The following ANK2 variants were observed in gnomAD, a reference collection of about 807,000 sequenced individuals.
ANK2 encodes ankyrin 2.
A neutral mutation model predicts 360.5 loss-of-function variants in ANK2; 83 were observed. That is an observed-to-expected ratio of 0.23 (90% CI 0.19 to 0.28). ANK2 has a LOEUF of 0.28. Among genes scored for constraint, ANK2 ranks in the 10% least tolerant of loss-of-function variants. The probability of loss-of-function intolerance (pLI) is 1.00; values close to 1 mark genes in which losing one functional copy is unlikely to be tolerated. For missense variants in ANK2, 4,201 were observed against 4,795.7 expected, an observed-to-expected ratio of 0.88 and a Z score of 3.66; for synonymous variants, 1,740 against 1,759.5, an observed-to-expected ratio of 0.99 and a Z score of 0.28.
chr4:112,936,788 T>G (rs6851031), intron 2 of ANK2, among the ~76,000 whole-genome samples: 65,057 of 151,600 alleles, frequency 0.43, 17,786 homozygotes, highest in African/African-American at 0.76. Flanking sequence ...ATAATTTTTT[T>G]TTTGTTTGTT....
At position 113,100,681 on chromosome 4, in the gene ANK2, G is replaced by A. The variant is rs908470088; in HGVS notation, c.84+50869G>A. Reference sequence around the variant, plus strand: ...TGCACACAGAAATCTGCGCTTGAATGTTTACAGCAGCTTTATTCATAATTG... The same window carrying A: ...TGCACACAGAAATCTGCGCTTGAATATTTACAGCAGCTTTATTCATAATTG... On this transcript the variant is annotated intron_variant, in intron 1 of 45. Coordinates refer to ENST00000357077, the MANE Select transcript of ANK2 (RefSeq NM_001148.6). Among the ~76,000 whole-genome samples, 4 of 152,068 alleles carry A rather than the reference G, an allele frequency of 2.6e-5. No individual in the cohort carries two copies. The South Asian group carries it at 8.3e-4, about 31-fold the overall frequency.
At chr4:112,994,678 AG>A (rs1289051036) in intron 2 of ANK2, among the ~76,000 whole-genome samples, 3 of 152,032 alleles carry the variant, frequency 2.0e-5, no homozygotes, top group Non-Finnish European at 4.4e-5. Context: ...CGTGATGCTG[AG>A]GTTTGGGGCA....
chr4:113,186,103 C>G (rs2098516325), intron 2 of ANK2, among the ~76,000 whole-genome samples: 1 of 152,208 alleles, frequency 6.6e-6, no homozygotes, highest in Non-Finnish European at 1.5e-5. Flanking sequence ...TGCCTCTTGA[C>G]TGGGAGACAC....
the ANK2 span, among the ~76,000 whole-genome samples, chr4:112,744,020 T>C: frequency 6.6e-6 from 1 of 151,624 alleles, no homozygotes; most frequent in African/African-American, 2.4e-5. Flanking sequence ...GTTTTTTTAG[T>C]AGAGATGGGG....
At chr4:113,286,972 C>T (rs1464583965) in intron 18 of ANK2, among the ~76,000 whole-genome samples, 1 of 152,138 alleles carries the variant, frequency 6.6e-6, no homozygotes, top group Admixed American at 6.5e-5. Context: ...TAATTCATAA[C>T]TGTACCTTAA....
chr4:113,106,515 C>T (rs917950050), intron 1 of ANK2, among the ~76,000 whole-genome samples: 1 of 152,122 alleles, frequency 6.6e-6, no homozygotes. Flanking sequence ...AAAATACACT[C>T]CCACATTTAA....
intron 1 of ANK2, among the ~76,000 whole-genome samples, chr4:113,056,613 G>A (rs2070015983): frequency 6.6e-6 from 1 of 152,122 alleles, no homozygotes; most frequent in Admixed American, 6.6e-5. Context: ...AGATAGAGCA[G>A]AGATGGGATT....
At chr4:113,006,350 C>T (rs1223428960) in intron 2 of ANK2, among the ~76,000 whole-genome samples, 2 of 151,878 alleles carry the variant, frequency 1.3e-5, no homozygotes, top group African/African-American at 4.8e-5. Context: ...GACTGATGAG[C>T]CAATAAAAAT....
At chr4:113,170,077 T>C (rs1474368889) in intron 1 of ANK2, among the ~76,000 whole-genome samples, 1 of 152,218 alleles carries the variant, frequency 6.6e-6, no homozygotes, top group Non-Finnish European at 1.5e-5. Flanking sequence ...TACTTCAAGC[T>C]AATAAAACTT....
chr4:113,107,221 A>AT (rs373150155), intron 1 of ANK2, among the ~76,000 whole-genome samples: 1,766 of 150,402 alleles, frequency 0.012, 35 homozygotes, highest in African/African-American at 0.039. Context: ...TGCGTGTTAG[A>AT]TTTTTTTTTT....
the ANK2 span, among the ~76,000 whole-genome samples, chr4:112,737,984 A>G: frequency 2.0e-5 from 3 of 152,238 alleles, no homozygotes; most frequent in African/African-American, 7.2e-5. Flanking sequence ...ACAAACTACC[A>G]TACCATTCAT....
At chr4:113,324,580 A>C (rs542420019) in intron 26 of ANK2, among the ~76,000 whole-genome samples, 6 of 152,324 alleles carry the variant, frequency 3.9e-5, no homozygotes, top group African/African-American at 1.4e-4. Flanking sequence ...AGTGGTTGAT[A>C]AATAATTGTT....
At chr4:112,846,435 A>G (rs1260702293) in intron 1 of ANK2, among the ~76,000 whole-genome samples, 1 of 152,184 alleles carries the variant, frequency 6.6e-6, no homozygotes, top group Non-Finnish European at 1.5e-5. Flanking sequence ...TTAATAGGCC[A>G]TTCGTCCACC....
intron 1 of ANK2, among the ~76,000 whole-genome samples, chr4:112,836,148 T>C (rs1054825808): frequency 2.0e-5 from 3 of 152,126 alleles, no homozygotes; most frequent in African/African-American, 7.2e-5. Flanking sequence ...AATTGGATCA[T>C]GGGGGCAGTT....
At chr4:113,139,070 T>C (rs1175984284) in intron 1 of ANK2, among the ~76,000 whole-genome samples, 1 of 152,200 alleles carries the variant, frequency 6.6e-6, no homozygotes, top group Non-Finnish European at 1.5e-5. Flanking sequence ...TTTTCTTGTC[T>C]AGATGCTCAA....
chr4:113,264,497 A>G (rs2054791599), intron 13 of ANK2, among the ~76,000 whole-genome samples: 1 of 152,320 alleles, frequency 6.6e-6, no homozygotes, highest in East Asian at 1.9e-4. Context: ...TAAATTTACT[A>G]GTTTTTCATG....
At chr4:113,223,363 G>C (rs1365736531) in intron 4 of ANK2, among the ~76,000 whole-genome samples, 7 of 152,126 alleles carry the variant, frequency 4.6e-5, no homozygotes, top group Admixed American at 1.3e-4. Flanking sequence ...TTCAAAAGAG[G>C]AAGTCTACTT....
At chr4:113,026,007 G>C (rs552108608) in intron 2 of ANK2, among the ~76,000 whole-genome samples, 1 of 152,066 alleles carries the variant, frequency 6.6e-6, no homozygotes, top group Admixed American at 6.6e-5. Flanking sequence ...AACTGGTTGG[G>C]CCCAAGAATT....
intron 4 of ANK2, among the ~76,000 whole-genome samples, chr4:113,223,792 A>G (rs2099181019): frequency 6.6e-6 from 1 of 152,210 alleles, no homozygotes; most frequent in South Asian, 2.1e-4. Context: ...ACAGCAATAA[A>G]TATTATCATC....
Sources: allele counts gnomAD v4.1 joint callset (sites outside exome capture counted in the v4.1 genomes callset), GRCh38; gene constraint gnomAD v4.1.1; transcripts MANE v1.5; gene names NCBI Gene and HGNC (gene_info 2026-07-23, HGNC 2026-07-21).